The following MICU1 variants were observed in gnomAD, a reference collection of about 807,000 sequenced individuals.
MICU1 encodes the protein calcium uptake protein 1, mitochondrial.
Under a neutral mutation model 56.8 loss-of-function variants are expected in MICU1, and 45 were observed. That is an observed-to-expected ratio of 0.79 (90% CI 0.62 to 1.02). The LOEUF is 1.02. Ranked by LOEUF, MICU1 falls within the 50% of genes least tolerant of loss-of-function variation. The pLI, the probability that MICU1 is intolerant of heterozygous loss-of-function variation, is 0.00. For synonymous variants in MICU1, 186 were observed against 195.1 expected (o/e 0.95, Z 0.39); for missense variants, 504 against 587.1 (o/e 0.86, Z 1.46).
At chr10:72,384,212 C>G (rs1299661897) in intron 10 of MICU1, among the ~76,000 whole-genome samples, 5 of 152,232 alleles carry the variant, frequency 3.3e-5, no homozygotes, top group Admixed American at 1.3e-4. Flanking sequence ...CCAGGCTGGT[C>G]TTGAACTCCT....
At chr10:72,469,678 G>A (rs1294338531) in intron 8 of MICU1, among the ~76,000 whole-genome samples, 1 of 152,314 alleles carries the variant, frequency 6.6e-6, no homozygotes. Flanking sequence ...TAAAGGCACA[G>A]TGCATGCCCA....
intron 1 of MICU1, among the ~76,000 whole-genome samples, chr10:72,617,892 G>A (rs147952598): frequency 1.5e-4 from 23 of 152,182 alleles, no homozygotes; most frequent in Non-Finnish European, 2.4e-4. Context: ...TAGGCTGGCC[G>A]CAGTGGCTTA....
chr10:72,483,054 C>T (rs1365026780), intron 6 of MICU1, among the ~76,000 whole-genome samples: 5 of 152,036 alleles, frequency 3.3e-5, no homozygotes, highest in African/African-American at 1.2e-4. Flanking sequence ...CGGGGTTTCA[C>T]CATGTTGCCC....
At chr10:72,427,895 C>T (rs1477774751) in intron 8 of MICU1, among the ~76,000 whole-genome samples, 2 of 152,028 alleles carry the variant, frequency 1.3e-5, no homozygotes, top group Non-Finnish European at 2.9e-5. Context: ...AGGTCCTAAC[C>T]ATGCCACTGC....
intron 8 of MICU1, among the ~76,000 whole-genome samples, chr10:72,425,880 C>T (rs7079323): frequency 0.65 from 98,489 of 151,944 alleles, 33,089 homozygotes; most frequent in African/African-American, 0.77. Flanking sequence ...ACTTTGAAGG[C>T]AGTATCTCAA....
intron 1 of MICU1, among the ~76,000 whole-genome samples, chr10:72,570,442 T>C (rs966426049): frequency 1.3e-5 from 2 of 152,218 alleles, no homozygotes; most frequent in Non-Finnish European, 2.9e-5. Context: ...GTACAAACTA[T>C]ACAGGTACTT....
At chr10:72,475,512 T>A (rs867665402) in intron 7 of MICU1, among the ~76,000 whole-genome samples, 12 of 151,668 alleles carry the variant, frequency 7.9e-5, no homozygotes, top group Non-Finnish European at 1.6e-4. Flanking sequence ...CACTGCAACC[T>A]CCACCTCCCG....
chr10:72,437,841 G>A (rs943677554), intron 8 of MICU1, among the ~76,000 whole-genome samples: 7 of 152,174 alleles, frequency 4.6e-5, no homozygotes, highest in Non-Finnish European at 1.5e-5. Flanking sequence ...TCAACAAGAA[G>A]AGCTAACTAT....
At chr10:72,584,951 G>C (rs192438247) in intron 1 of MICU1, among the ~76,000 whole-genome samples, 17 of 152,246 alleles carry the variant, frequency 1.1e-4, no homozygotes, top group Middle Eastern at 3.4e-3. Context: ...TTACAGCCAA[G>C]AAAGTATTGA....
Position 72,444,444 on chromosome 10 carries a change from CTTTTTT to C in MICU1, c.934-21079_934-21074del, listed in dbSNP as rs754274260. ...TATACTTCTATGTGAGAGTCTTTGC[CTTTTTT>C]TTTTTTTTTTTTTTTTTGAGACAGG... On this transcript the variant is annotated intron_variant, in intron 8 of 11. Coordinates refer to ENST00000361114, the MANE Select transcript of MICU1 (RefSeq NM_001195518.2). 3.3e-3 allele frequency among the ~76,000 whole-genome samples: 354 copies of C among 107,672 alleles called. 3 individuals are homozygous for C. Among genetic ancestry groups the C allele is most frequent in the African/African-American group, 0.012 (307 of 24,998 alleles). 70.6% of individuals were successfully genotyped at this position (107,672 alleles called of 152,430 possible). A position where few individuals can be genotyped will look rare whatever the true frequency, so the allele number is the denominator to read the frequency against.
intron 4 of MICU1, among the ~76,000 whole-genome samples, chr10:72,536,630 C>T (rs1462102925): frequency 1.3e-5 from 2 of 151,898 alleles, no homozygotes; most frequent in South Asian, 2.1e-4. Flanking sequence ...GGATAAAAGG[C>T]GTGAGCCACC....
chr10:72,381,260 A>AT (rs1862693283), intron 10 of MICU1, among the ~76,000 whole-genome samples: 2 of 152,204 alleles, frequency 1.3e-5, no homozygotes, highest in South Asian at 4.1e-4. Context: ...GCAGTGGAGA[A>AT]AATCAAAAGC....
chr10:72,507,832 G>C (rs1867306553), intron 6 of MICU1, among the ~76,000 whole-genome samples: 1 of 152,074 alleles, frequency 6.6e-6, no homozygotes, highest in Non-Finnish European at 1.5e-5. Context: ...TGCCCAGGCT[G>C]GTCTTGAACT....
chr10:72,484,866 C>T (rs1329118391), intron 6 of MICU1, among the ~76,000 whole-genome samples: 1 of 152,178 alleles, frequency 6.6e-6, no homozygotes, highest in Non-Finnish European at 1.5e-5. Context: ...TCCACATAAC[C>T]TTCCTAATAA....
At chr10:72,535,425 A>G (rs1839608395) in intron 4 of MICU1, among the ~76,000 whole-genome samples, 1 of 152,222 alleles carries the variant, frequency 6.6e-6, no homozygotes, top group African/African-American at 2.4e-5. Context: ...AATAGAAAAT[A>G]TAAGATAGAA....
At chr10:72,597,445 T>C (rs139231090) in intron 1 of MICU1, among the ~76,000 whole-genome samples, 16 of 152,300 alleles carry the variant, frequency 1.1e-4, no homozygotes, top group African/African-American at 3.1e-4. Flanking sequence ...CTTATGCATC[T>C]AGAACGGTAC....
At chr10:72,489,720 T>C (rs530125460) in intron 6 of MICU1, among the ~76,000 whole-genome samples, 2 of 152,234 alleles carry the variant, frequency 1.3e-5, no homozygotes, top group Non-Finnish European at 2.9e-5. Context: ...CCACCCTGTA[T>C]GTTTTTCTAA....
intron 5 of MICU1, among the ~76,000 whole-genome samples, chr10:72,515,777 G>A (rs1867628315): frequency 6.6e-6 from 1 of 152,152 alleles, no homozygotes; most frequent in Non-Finnish European, 1.5e-5. Flanking sequence ...AAAATCTAAT[G>A]TATAATAGAC....
At chr10:72,572,723 C>A (rs1486689586) in intron 1 of MICU1, among the ~76,000 whole-genome samples, 1 of 152,026 alleles carries the variant, frequency 6.6e-6, no homozygotes, top group Non-Finnish European at 1.5e-5. Context: ...GATACTTAAT[C>A]TCACTCATAA....
Sources: gnomAD v4.1 joint callset for allele counts (sites outside exome capture counted in the v4.1 genomes callset) on GRCh38, gnomAD v4.1.1 for gene constraint, MANE v1.5 for transcripts, NCBI Gene and HGNC (gene_info 2026-07-23, HGNC 2026-07-21) for gene names.